The following PLXDC2 variants were observed in gnomAD, a reference collection of about 807,000 sequenced individuals.
PLXDC2 encodes plexin domain containing 2, also known as plexin domain-containing protein 2.
Under a neutral mutation model 68.9 loss-of-function variants are expected in PLXDC2, and 40 were observed. That is an observed-to-expected ratio of 0.58 (90% CI 0.45 to 0.76). The LOEUF is 0.76. Among genes scored for constraint, PLXDC2 ranks in the 30% least tolerant of loss-of-function variants. The pLI is 0.00. For synonymous variants in PLXDC2, 243 were observed against 234.2 expected (o/e 1.04, Z -0.34); for missense variants, 644 against 661.9 (o/e 0.97, Z 0.30).
At chr10:20,093,613 C>T (rs181225661) in intron 4 of PLXDC2, among the ~76,000 whole-genome samples, 9 of 152,034 alleles carry the variant, frequency 5.9e-5, no homozygotes, top group Admixed American at 3.3e-4. Context: ...TTAGTTTATA[C>T]GTAAGTTACC....
chr10:20,278,594 T>A (rs764823505), intron 13 of PLXDC2, among the ~76,000 whole-genome samples: 6 of 145,964 alleles, frequency 4.1e-5, no homozygotes, highest in Non-Finnish European at 9.0e-5. Context: ...CTTAATATTA[T>A]TAGTAGGCAG....
chr10:19,985,605 C>T (rs560470790), intron 1 of PLXDC2, among the ~76,000 whole-genome samples: 214 of 152,336 alleles, frequency 1.4e-3, no homozygotes, highest in Admixed American at 2.5e-3. Flanking sequence ...TCTGAGTCCA[C>T]TCTTTATGCT....
At chr10:19,961,181 C>A (rs7082368) in intron 1 of PLXDC2, among the ~76,000 whole-genome samples, 110,953 of 152,118 alleles carry the variant, frequency 0.73, 40,715 homozygotes, top group South Asian at 0.81. Context: ...CATTGTTCTC[C>A]TGGAGATGGA....
At chr10:19,957,655 C>T (rs1834092699) in intron 1 of PLXDC2, among the ~76,000 whole-genome samples, 1 of 152,070 alleles carries the variant, frequency 6.6e-6, no homozygotes, top group African/African-American at 2.4e-5. Context: ...GTTTTTGATA[C>T]AAATAACACT....
chr10:19,964,368 A>T (rs533966016), intron 1 of PLXDC2, among the ~76,000 whole-genome samples: 26 of 152,318 alleles, frequency 1.7e-4, no homozygotes, highest in African/African-American at 6.3e-4. Flanking sequence ...TCAGTCCTTT[A>T]TGAGAGCAAA....
chr10:20,105,715 G>T (rs560375402), intron 4 of PLXDC2, among the ~76,000 whole-genome samples: 7 of 152,080 alleles, frequency 4.6e-5, no homozygotes, highest in Admixed American at 2.0e-4. Flanking sequence ...AGCTGAAATG[G>T]GTATCACCTT....
At chr10:20,113,065 A>G (rs539079802) in intron 4 of PLXDC2, among the ~76,000 whole-genome samples, 2 of 152,284 alleles carry the variant, frequency 1.3e-5, no homozygotes, top group East Asian at 3.9e-4. Context: ...AGTCCCTCCC[A>G]TCTGTAGGCT....
intron 13 of PLXDC2, among the ~76,000 whole-genome samples, chr10:20,263,647 A>G (rs367679965): frequency 2.0e-5 from 3 of 152,188 alleles, no homozygotes; most frequent in African/African-American, 7.2e-5. Context: ...AACCTCATTA[A>G]AAAGTGGGCA....
chr10:20,101,686 G>A (rs1589629749), intron 4 of PLXDC2, among the ~76,000 whole-genome samples: 1 of 152,086 alleles, frequency 6.6e-6, no homozygotes, highest in Non-Finnish European at 1.5e-5. Context: ...TGACTGACCT[G>A]CATTCTTGAC....
At chr10:19,878,897 G>C (rs766024804) in intron 1 of PLXDC2, among the ~76,000 whole-genome samples, 1 of 152,150 alleles carries the variant, frequency 6.6e-6, no homozygotes, top group East Asian at 1.9e-4. Context: ...ATTTTCAGCA[G>C]TAAACTTGAG....
chr10:19,837,295 CCTT>C (rs1004708623), intron 1 of PLXDC2, among the ~76,000 whole-genome samples: 21 of 151,830 alleles, frequency 1.4e-4, no homozygotes, highest in African/African-American at 5.1e-4. Flanking sequence ...ACACATAAGC[CCTT>C]CTTATCAGTA....
intron 4 of PLXDC2, chr10:20,070,755 T>C (rs1836302185): frequency 6.6e-6 from 1 of 152,230 alleles, no homozygotes; most frequent in Non-Finnish European, 1.5e-5. Flanking sequence ...CTATGAACCA[T>C]ATGTGCTTAA....
intron 3 of PLXDC2, among the ~76,000 whole-genome samples, chr10:20,067,239 A>G (rs1191640178): frequency 1.3e-5 from 2 of 152,220 alleles, no homozygotes; most frequent in Non-Finnish European, 2.9e-5. Flanking sequence ...GGTGCAATCC[A>G]GGAACTTTCT....
intron 13 of PLXDC2, among the ~76,000 whole-genome samples, chr10:20,264,247 T>G (rs767972516): frequency 1.3e-5 from 2 of 152,122 alleles, no homozygotes; most frequent in Non-Finnish European, 2.9e-5. Context: ...CCTCACTTAT[T>G]AGTGGGAGCT....
intron 1 of PLXDC2, among the ~76,000 whole-genome samples, chr10:19,828,350 C>A (rs990271775): frequency 6.6e-6 from 1 of 152,278 alleles, no homozygotes; most frequent in Non-Finnish European, 1.5e-5. Flanking sequence ...CCTCCATAGA[C>A]AATAGAATTT....
intron 2 of PLXDC2, among the ~76,000 whole-genome samples, chr10:20,033,307 G>A (rs866821336): frequency 2.0e-5 from 3 of 152,246 alleles, no homozygotes; most frequent in Middle Eastern, 3.4e-3. Flanking sequence ...TGGAGAGAAT[G>A]TAGAACCCTA....
chr10:20,051,395 A>T (rs1589605739), intron 3 of PLXDC2, among the ~76,000 whole-genome samples: 23 of 118,454 alleles, frequency 1.9e-4, no homozygotes, highest in Non-Finnish European at 3.8e-4. Context: ...ATAAAGGTTA[A>T]ATATATATAT....
chr10:20,237,624 G>T (rs1398635707), intron 12 of PLXDC2, among the ~76,000 whole-genome samples: 1 of 152,206 alleles, frequency 6.6e-6, no homozygotes, highest in Non-Finnish European at 1.5e-5. Context: ...GTTAGGTACT[G>T]TTCCATGGGG....
At chr10:20,041,304 C>CA (rs150178821) in intron 2 of PLXDC2, among the ~76,000 whole-genome samples, 2,690 of 152,098 alleles carry the variant, frequency 0.018, 75 homozygotes, top group African/African-American at 0.061. Flanking sequence ...CTTGACTGAA[C>CA]AAAAAAATTC....
Sources: allele counts gnomAD v4.1 joint callset (sites outside exome capture counted in the v4.1 genomes callset), GRCh38; gene constraint gnomAD v4.1.1; transcripts MANE v1.5; gene names NCBI Gene and HGNC (gene_info 2026-07-23, HGNC 2026-07-21).